SLC4A9: variants seen among roughly 807,000 people sequenced by gnomAD.
SLC4A9 encodes anion exchange protein 4.
In SLC4A9, 102 loss-of-function variants were observed where a neutral mutation model predicts 103.2. That is an observed-to-expected ratio of 0.99 (90% confidence interval 0.84 to 1.17). The LOEUF (loss-of-function observed/expected upper bound fraction) is 1.17. Ranked by LOEUF, SLC4A9 falls within the 50% of genes most tolerant of loss-of-function variation. SLC4A9 has a pLI of 0.00. For missense variants in SLC4A9, 1,091 were observed against 1,193.7 expected, an observed-to-expected ratio of 0.91 and a Z score of 1.27; for synonymous variants, 453 against 483.6, an observed-to-expected ratio of 0.94 and a Z score of 0.83.
At chr5:140,374,509 C>T (rs1581174730) in intron 21 of SLC4A9, among the ~76,000 whole-genome samples, 1 of 145,706 alleles carries the variant, frequency 6.9e-6, no homozygotes, top group East Asian at 2.0e-4. Flanking sequence ...GAGATTGCAC[C>T]ATTGCACTCC....
At chr5:140,370,241 A>C (rs1308848781) in intron 17 of SLC4A9, among the ~76,000 whole-genome samples, 1 of 152,002 alleles carries the variant, frequency 6.6e-6, no homozygotes, top group Non-Finnish European at 1.5e-5. Flanking sequence ...AGGCGGGTGG[A>C]TCATCTGAGG....
chr5:140,365,832 A>G lies in SLC4A9; in HGVS notation c.1711-2A>G, dbSNP rs776574809. 6.8e-6 allele frequency: 11 copies of G among 1,613,076 alleles called. No homozygotes were observed. Among genetic ancestry groups the G allele is most frequent in the Admixed American group, 6.7e-5 (4 of 59,958 alleles). On this transcript the variant is annotated splice_acceptor_variant, in intron 12 of 21. Coordinates refer to ENST00000506757, the MANE Select transcript of SLC4A9 (RefSeq NM_031467.3). LOFTEE classifies it high-confidence loss of function. ...CTCCACTCCTGACCCTCCTGTGTACAGGACTTAGGCCTGATCAATGCATCC... is the reference window on the plus strand; with the variant it reads ...CTCCACTCCTGACCCTCCTGTGTACGGGACTTAGGCCTGATCAATGCATCC...
chr5:140,361,049 A>G (rs1262160431), intron 2 of SLC4A9, 77 bp downstream of exon 2: 2 of 1,390,592 alleles, frequency 1.4e-6, no homozygotes, highest in Non-Finnish European at 9.7e-7. Flanking sequence ...AAGTCTTGAA[A>G]TCTTCCAGAG....
At position 140,367,533 on chromosome 5, in the gene SLC4A9, C is replaced by A; in HGVS notation, c.2127C>A (p.Asp709Glu). ...ALLLSILIFMDQQITAVILNR... is the reference protein window; with the variant it reads ...ALLLSILIFMEQQITAVILNR... The stretch of plus-strand genomic sequence containing the variant: ...TGCTGTCTATCCTCATCTTCATGGA[C>A]CAACAGATCACAGCAGTCATCCTCA... Residue 709 changes from aspartate to glutamate, a missense_variant, in exon 15 of 22, where the codon GAC (aspartate) becomes GAA (glutamate). Transcript: ENST00000506757. 1 of 1,604,078 alleles carries A rather than the reference C, an allele frequency of 6.2e-7. No homozygotes were observed. The highest frequency in any genetic ancestry group is 1.7e-5 in the Admixed American group (1 of 58,344).
rs1316662750 is a variant in SLC4A9, at chr5:140,364,449, C to T, written c.1475C>T (p.Ala492Val). The stretch of plus-strand genomic sequence containing the variant: ...TGCCTGGTGCTGGTGGCCACAGAGG[C>T]CAGTGTGCTGGTGCGCTACTTCACC... ...TFCLVLVATE[A>V]SVLVRYFTRF... The change falls in exon 11 of 22, where the codon GCC becomes GTC. Residue 492 changes from alanine to valine, a missense_variant. By Grantham distance (64) the Ala-to-Val change is moderately conservative (BLOSUM62 0). Coordinates refer to ENST00000506757, the MANE Select transcript of SLC4A9 (RefSeq NM_031467.3). The T allele has an allele frequency of 8.7e-6, 14 of 1,613,484 alleles. No homozygotes were observed. The highest frequency in any genetic ancestry group is 1.1e-5 in the Non-Finnish European group (13 of 1,179,686).
intron 17 of SLC4A9, among the ~76,000 whole-genome samples, chr5:140,369,756 C>T (rs1768421053): frequency 6.6e-6 from 1 of 152,144 alleles, no homozygotes; most frequent in African/African-American, 2.4e-5. Flanking sequence ...AATCCCAGCA[C>T]TTTGGGAGGC....
Position 140,373,986 on chromosome 5 carries a change from G to T in SLC4A9, c.*46-841G>T, listed in dbSNP as rs545592574. Among the ~76,000 whole-genome samples the T allele has an allele frequency of 3.3e-5, 5 of 151,802 alleles. No homozygotes were observed. In the East Asian group the frequency reaches 9.7e-4, roughly 29 times the overall value. ...AGGTGGGTGGATCACTTGAGTTCAGGAGTTTGAGACCAGCCTGGCCAACAT... is the reference window on the plus strand; with the variant it reads ...AGGTGGGTGGATCACTTGAGTTCAGTAGTTTGAGACCAGCCTGGCCAACAT... On this transcript the variant is annotated intron_variant, in intron 21 of 21. Coordinates refer to ENST00000506757, the MANE Select transcript of SLC4A9 (RefSeq NM_031467.3).
Position 140,370,641 on chromosome 5 carries a change from G to A in SLC4A9, c.2428-454G>A, listed in dbSNP as rs1223598299. Among the ~76,000 whole-genome samples, 4 of 152,320 alleles carry A rather than the reference G, an allele frequency of 2.6e-5. No individual in the cohort carries two copies. In the East Asian group the frequency reaches 5.8e-4, roughly 22 times the overall value. On this transcript the variant is annotated intron_variant, in intron 17 of 21. Transcript: ENST00000506757. ...GAAGACCTTTCAGGGTGTCATGAGA[G>A]GAGGCATGAGTAATAAGAATAAACT... is the stretch of plus-strand genomic sequence containing the variant.
Position 140,368,616 on chromosome 5 carries a change from T to A in SLC4A9, c.2384T>A (p.Phe795Tyr), listed in dbSNP as rs1426951750. ...REQRLTGLVVFILTGASIFLA... is the reference protein window; with the variant it reads ...REQRLTGLVVYILTGASIFLA... ...CAGAGGCTGACAGGCCTGGTGGTGT[T>A]CATCCTTACAGGAGCCTCCATCTTC... is the stretch of plus-strand genomic sequence containing the variant. The change falls in exon 17 of 22, where the codon TTC becomes TAC. Residue 795 changes from phenylalanine to tyrosine, a missense_variant. Coordinates refer to ENST00000506757, the MANE Select transcript of SLC4A9 (RefSeq NM_031467.3). The A allele has an allele frequency of 6.2e-7, 1 of 1,613,448 alleles. No individual in the cohort carries two copies. Among genetic ancestry groups the A allele is most frequent in the Non-Finnish European group, 8.5e-7 (1 of 1,179,766 alleles).
rs776032162 is a variant in SLC4A9, at chr5:140,368,708, G to A, written c.2427+49G>A. On this transcript the variant is annotated intron_variant, in intron 17 of 21. Transcript: ENST00000506757. ...ATCAGGGTCAGTGTAGTAATAATAG[G>A]AGCACAGCAAGAACTGACAGTAGTT... 6 of 1,519,624 alleles carry A rather than the reference G, an allele frequency of 3.9e-6. No individual in the cohort carries two copies. The East Asian group carries it at 1.4e-4, about 35-fold the overall frequency. The allele number at this position is 1,519,624 out of a possible 1,614,324, so 94.1% of individuals were successfully genotyped here.
At chr5:140,364,991 T>C (rs1561592706) in intron 11 of SLC4A9, among the ~76,000 whole-genome samples, 1 of 152,122 alleles carries the variant, frequency 6.6e-6, no homozygotes, top group Non-Finnish European at 1.5e-5. Flanking sequence ...CAGCTTATAC[T>C]CGAGAGAGGG....
intron 17 of SLC4A9, among the ~76,000 whole-genome samples, chr5:140,369,823 G>A (rs975608609): frequency 1.3e-5 from 2 of 152,004 alleles, no homozygotes; most frequent in Admixed American, 6.6e-5. Context: ...GCAACATGGC[G>A]AAACCCCGTC....
At chr5:140,361,893 C>A in intron 4 of SLC4A9, 30 bp downstream of exon 4, 1 of 1,601,120 alleles carries the variant, frequency 6.2e-7, no homozygotes, top group Non-Finnish European at 8.6e-7. Flanking sequence ...GGTCCCTTTC[C>A]AGTGGCTGGG....
intron 21 of SLC4A9, among the ~76,000 whole-genome samples, chr5:140,374,385 C>G (rs968968555): frequency 4.0e-5 from 6 of 151,570 alleles, no homozygotes; most frequent in African/African-American, 7.3e-5. Flanking sequence ...CATGGTGAAA[C>G]CCTGTCTCTA....
At chr5:140,362,611 G>T in intron 6 of SLC4A9, 79 bp downstream of exon 6, 3 of 1,345,978 alleles carry the variant, frequency 2.2e-6, no homozygotes, top group Non-Finnish European at 3.2e-6. Flanking sequence ...TACATGCATG[G>T]GCTCATGTGA....
intron 5 of SLC4A9, 96 bp downstream of exon 5, chr5:140,362,270 C>A: frequency 7.3e-7 from 1 of 1,364,942 alleles, no homozygotes; most frequent in Non-Finnish European, 9.9e-7. Context: ...TTCTCTGAGG[C>A]TGTGGGGAGG....
chr5:140,374,776 G>C (rs1661259373), intron 21 of SLC4A9, 51 bp from the exon 22 acceptor site: 1 of 152,138 alleles, frequency 6.6e-6, no homozygotes, highest in Admixed American at 6.6e-5. Context: ...TTAGTTCACA[G>C]GTGCTTACTC....
intron 20 of SLC4A9, 169 bp from the exon 21 acceptor site, chr5:140,372,576 G>C: frequency 6.9e-7 from 1 of 1,442,494 alleles, no homozygotes. Context: ...TTTCTTCATA[G>C]GACAGGGGCC....
rs369092187 is a variant in SLC4A9, at chr5:140,364,909, C to T, written c.1651+284C>T. 1.1e-3 allele frequency among the ~76,000 whole-genome samples: 167 copies of T among 152,356 alleles called. 2 individuals are homozygous for T. In the South Asian group the frequency reaches 0.026, roughly 24 times the overall value. On this transcript the variant is annotated intron_variant, in intron 11 of 21. Transcript: ENST00000506757. ...AGCCAAAATTGAATAGACTTACCCA[C>T]CAGTCGTGGAAGCACTGGTTTGAGA...
Sources: gnomAD v4.1 joint callset for allele counts (sites outside exome capture counted in the v4.1 genomes callset) on GRCh38, gnomAD v4.1.1 for gene constraint, MANE v1.5 for transcripts, NCBI Gene and HGNC (gene_info 2026-07-23, HGNC 2026-07-21) for gene names.